Variants in BRI3BP observed in about 807,000 individuals in gnomAD.
BRI3BP encodes the protein BRI3-binding protein.
BRI3BP carries 7 observed loss-of-function variants against 15.8 expected under a neutral mutation model. The observed-to-expected ratio is 0.44, with a 90% CI of 0.25 to 0.83. The LOEUF is 0.83. BRI3BP is among the 40% of genes least tolerant of loss of function. BRI3BP has a pLI of 0.20. For missense variants in BRI3BP, 320 were observed against 339.3 expected, an observed-to-expected ratio of 0.94 and a Z score of 0.45; for synonymous variants, 192 against 163.5, an observed-to-expected ratio of 1.17 and a Z score of -1.33.
the BRI3BP span, among the ~76,000 whole-genome samples, chr12:125,041,107 G>A: frequency 6.6e-4 from 100 of 151,840 alleles, no homozygotes; most frequent in Non-Finnish European, 4.7e-4. Flanking sequence ...GTGCAGTGGC[G>A]TGATCTCGGC....
chr12:125,022,541 A>ATTTTTTTTTTTTTTTTTTTT (rs770844998), intron 2 of BRI3BP, among the ~76,000 whole-genome samples: 3 of 139,404 alleles, frequency 2.2e-5, no homozygotes, highest in African/African-American at 8.7e-5. Context: ...TTATTTATTT[A>ATTTTTTTTTTTTTTTTTTTT]TTTTTTGAGA....
Position 125,022,541 on chromosome 12 carries a change from A to ATTT in BRI3BP, c.317-2446_317-2444dup, listed in dbSNP as rs770844998. Among the ~76,000 whole-genome samples the ATTT allele has an allele frequency of 6.5e-3, 913 of 139,420 alleles. 15 individuals are homozygous for ATTT. The highest frequency in any genetic ancestry group is 0.025 in the African/African-American group (867 of 34,526). 91.5% of individuals were successfully genotyped at this position (139,420 alleles called of 152,430 possible). A position where few individuals can be genotyped will look rare whatever the true frequency, so the allele number is the denominator to read the frequency against. On this transcript the variant is annotated intron_variant, in intron 2 of 2. Transcript: ENST00000341446. ...TTATTATTTATTTATTTATTTATTTATTTTTTGAGACAGAGCCTCACTGTG... is the reference window on the plus strand; with the variant it reads ...TTATTATTTATTTATTTATTTATTTATTTTTTTTTGAGACAGAGCCTCACTGTG...
At chr12:125,023,884 A>G (rs1287126578) in intron 2 of BRI3BP, among the ~76,000 whole-genome samples, 1 of 152,190 alleles carries the variant, frequency 6.6e-6, no homozygotes, top group Non-Finnish European at 1.5e-5. Flanking sequence ...CAGCCTGGCC[A>G]ACATGGTGAA....
chr12:125,049,859 T>G, the BRI3BP span, among the ~76,000 whole-genome samples: 16 of 143,168 alleles, frequency 1.1e-4, no homozygotes, highest in African/African-American at 4.0e-4. Flanking sequence ...GGCGTTGGGG[T>G]CGCGGGAAGG....
chr12:125,031,727 C>T (rs1407143082), downstream of BRI3BP, among the ~76,000 whole-genome samples: 1 of 151,922 alleles, frequency 6.6e-6, no homozygotes, highest in Middle Eastern at 3.2e-3. Context: ...TGGGGTTTCA[C>T]CATGTTGGCC....
At position 125,025,530 on chromosome 12, in the gene BRI3BP, C is replaced by A. The variant is rs1408348540; in HGVS notation, c.*100C>A. On this transcript the variant is annotated 3_prime_UTR_variant, in exon 3 of 3. Transcript: ENST00000341446. ...AAACCCCAAACAATCTTAATAAACA[C>A]GACTGAGCAAGAAAGTGGCGCTGTG... is the stretch of plus-strand genomic sequence containing the variant. 3.2e-6 allele frequency: 4 copies of A among 1,232,622 alleles called. No homozygotes were observed. In the African/African-American group the frequency reaches 4.6e-5, roughly 14 times the overall value. 76.4% of individuals were successfully genotyped at this position (1,232,622 alleles called of 1,614,324 possible).
chr12:125,051,009 T>C, the BRI3BP span, among the ~76,000 whole-genome samples: 1 of 152,166 alleles, frequency 6.6e-6, no homozygotes, highest in Non-Finnish European at 1.5e-5. Context: ...ACTTCACACT[T>C]ACATAAGAGG....
chr12:125,049,227 CCA>C, the BRI3BP span, among the ~76,000 whole-genome samples: 1 of 152,132 alleles, frequency 6.6e-6, no homozygotes, highest in East Asian at 1.9e-4. Flanking sequence ...CCAAGAGAGC[CCA>C]GATTTAACTC....
chr12:125,014,498 C>T (rs540233734), intron 2 of BRI3BP, among the ~76,000 whole-genome samples: 2 of 152,212 alleles, frequency 1.3e-5, no homozygotes, highest in Non-Finnish European at 2.9e-5. Flanking sequence ...AATTCCCGGG[C>T]AGGCCAGGCC....
At chr12:125,022,541 A>ATTTATTTATTTATTTTTTT in intron 2 of BRI3BP, among the ~76,000 whole-genome samples, 13,822 of 138,654 alleles carry the variant, frequency 0.1, 789 homozygotes, top group East Asian at 0.15. Context: ...TTATTTATTT[A>ATTTATTTATTTATTTTTTT]TTTTTTGAGA....
Position 125,025,364 on chromosome 12 carries a change from G to A in BRI3BP, c.690G>A (p.Gln230=). The A allele has an allele frequency of 3.1e-6, 5 of 1,612,734 alleles. No homozygotes were observed. The highest frequency in any genetic ancestry group is 4.2e-6 in the Non-Finnish European group (5 of 1,179,624). The change falls in exon 3 of 3, where the codon CAG becomes CAA. Residue 230 remains glutamine (Q), a synonymous_variant. Transcript: ENST00000341446. ...VEEKLEHLEK[Q]VRLLNIRLNR... ...AGAAGCTGGAGCACCTGGAGAAGCA[G>A]GTCAGACTGCTCAACATCCGTCTCA... is the stretch of plus-strand genomic sequence containing the variant.
chr12:125,005,163 A>G (rs1955130599), intron 1 of BRI3BP, among the ~76,000 whole-genome samples: 1 of 152,102 alleles, frequency 6.6e-6, no homozygotes, highest in Admixed American at 6.6e-5. Context: ...GGGATTTTGT[A>G]GGATGCTCCC....
intron 2 of BRI3BP, among the ~76,000 whole-genome samples, chr12:125,023,063 A>G (rs1175006442): frequency 6.6e-6 from 1 of 152,224 alleles, no homozygotes; most frequent in African/African-American, 2.4e-5. Context: ...GGCACACAGA[A>G]GATGCTACTC....
intron 1 of BRI3BP, among the ~76,000 whole-genome samples, chr12:125,009,154 T>C (rs1192685903): frequency 6.6e-6 from 1 of 151,706 alleles, no homozygotes; most frequent in Non-Finnish European, 1.5e-5. Context: ...ATTTTTTTTG[T>C]ATTTTTAGTA....
the BRI3BP span, among the ~76,000 whole-genome samples, chr12:125,040,848 A>G: frequency 6.7e-6 from 1 of 150,220 alleles, no homozygotes; most frequent in African/African-American, 2.5e-5. Flanking sequence ...CTCCTGCCTC[A>G]GCCTCCCAAG....
At chr12:125,015,705 G>A (rs910209733) in intron 2 of BRI3BP, among the ~76,000 whole-genome samples, 5 of 152,184 alleles carry the variant, frequency 3.3e-5, no homozygotes, top group South Asian at 2.1e-4. Flanking sequence ...ATTCAGAAAT[G>A]TCTCCAGCCT....
rs1955382492 is a variant in BRI3BP at position 125,028,959 on chromosome 12, G to A, written c.*3529G>A. The A allele has an allele frequency of 6.6e-6, 1 of 152,130 alleles. No homozygotes were observed. The allele number at this position is 152,130 out of a possible 1,614,324, so 9.4% of individuals were successfully genotyped here. ...ATTAGCGTAACACTTCACTGAATGT[G>A]ACGTAAAAGCATTCTGATGAAAACT... On this transcript the variant is annotated 3_prime_UTR_variant, in exon 3 of 3. Transcript: ENST00000341446.
At position 125,021,662 on chromosome 12, in the gene BRI3BP, G is replaced by A. The variant is rs557970118; in HGVS notation, c.317-3329G>A. ...GCCTCAGGAAACTTGTAATCATGGC[G>A]GAAGGCAAAGGGGAAGCAAGGCACG... On this transcript the variant is annotated intron_variant, in intron 2 of 2. Coordinates refer to ENST00000341446, the MANE Select transcript of BRI3BP (RefSeq NM_080626.6). Among the ~76,000 whole-genome samples, 28 of 152,280 alleles carry A rather than the reference G, an allele frequency of 1.8e-4. No individual in the cohort carries two copies. The South Asian group carries it at 3.9e-3, about 21-fold the overall frequency.
At chr12:125,016,358 T>TTG (rs1297382288) in intron 2 of BRI3BP, among the ~76,000 whole-genome samples, 1 of 151,402 alleles carries the variant, frequency 6.6e-6, no homozygotes, top group Non-Finnish European at 1.5e-5. Context: ...CTTCAGTGTT[T>TTG]TTTTTTTTTT....
Sources: allele counts gnomAD v4.1 joint callset (sites outside exome capture counted in the v4.1 genomes callset), GRCh38; gene constraint gnomAD v4.1.1; transcripts MANE v1.5; gene names NCBI Gene and HGNC (gene_info 2026-07-23, HGNC 2026-07-21).